MRPS31: variants seen among roughly 807,000 people sequenced by gnomAD.
MRPS31 encodes mitochondrial ribosomal protein S31.
Under a neutral mutation model 43.1 loss-of-function variants are expected in MRPS31, and 32 were observed. That is an observed-to-expected ratio of 0.74 (90% CI 0.56 to 1.00). The LOEUF (loss-of-function observed/expected upper bound fraction) is 1.00. Among genes scored for constraint, MRPS31 ranks in the 50% least tolerant of loss-of-function variants. MRPS31 has a pLI of 0.00. For missense variants in MRPS31, 437 were observed against 466.7 expected, an observed-to-expected ratio of 0.94 and a Z score of 0.59; for synonymous variants, 165 against 161.6, an observed-to-expected ratio of 1.02 and a Z score of -0.16.
rs571559496 is a variant in MRPS31, at chr13:40,769,356, C to T, written c.152+1629G>A. Among the ~76,000 whole-genome samples, 3 of 123,498 alleles carry T rather than the reference C, an allele frequency of 2.4e-5. No individual in the cohort carries two copies. In the East Asian group the frequency reaches 6.9e-4, roughly 28 times the overall value. 81.0% of individuals were successfully genotyped at this position (123,498 alleles called of 152,430 possible). On this transcript the variant is annotated intron_variant, in intron 1 of 6. Coordinates refer to ENST00000323563, the MANE Select transcript of MRPS31 (RefSeq NM_005830.4). ...ACACACTGCACTCCAGCCTAAGCGA[C>T]AGAGCAAGACTCTGTCCATATATAT...
rs1416267733 is a variant in MRPS31 at position 40,762,277 on chromosome 13, T to C, written c.441-3171A>G. On this transcript the variant is annotated intron_variant, in intron 2 of 6. Coordinates refer to ENST00000323563, the MANE Select transcript of MRPS31 (RefSeq NM_005830.4). ...CAAATTTGTGGAATTTGAAGGATAC[T>C]GCATACTCCAACCTCAAGGCCTAAG... Among the ~76,000 whole-genome samples, 6 of 152,276 alleles carry C rather than the reference T, an allele frequency of 3.9e-5. No homozygotes were observed. In the East Asian group the frequency reaches 5.8e-4, roughly 15 times the overall value.
intron 6 of MRPS31, among the ~76,000 whole-genome samples, chr13:40,740,008 C>T (rs1157860880): frequency 1.3e-5 from 2 of 148,612 alleles, no homozygotes; most frequent in Admixed American, 6.7e-5. Context: ...AGGCAACCTA[C>T]AAAATGGGAG....
intron 1 of MRPS31, 129 bp downstream of exon 1, chr13:40,770,856 C>T: frequency 7.8e-7 from 1 of 1,274,428 alleles, no homozygotes; most frequent in South Asian, 1.3e-5. Flanking sequence ...GGCAAGTCAT[C>T]TTTTCTTTCT....
At chr13:40,735,372 C>G (rs972025113) in intron 6 of MRPS31, among the ~76,000 whole-genome samples, 14 of 152,324 alleles carry the variant, frequency 9.2e-5, no homozygotes, top group African/African-American at 3.1e-4. Flanking sequence ...CCACCATTGC[C>G]CAGGCTTGCT....
chr13:40,770,565 T>C (rs1179416163), intron 1 of MRPS31, among the ~76,000 whole-genome samples: 1 of 152,176 alleles, frequency 6.6e-6, no homozygotes, highest in Non-Finnish European at 1.5e-5. Flanking sequence ...AGCACTTGAA[T>C]TGTCTACTTT....
At chr13:40,752,851 A>C (rs1880429633) in intron 5 of MRPS31, among the ~76,000 whole-genome samples, 1 of 151,936 alleles carries the variant, frequency 6.6e-6, no homozygotes, top group Admixed American at 6.6e-5. Flanking sequence ...TGATCCTGCC[A>C]CTTCAACTTC....
intron 3 of MRPS31, among the ~76,000 whole-genome samples, chr13:40,758,683 A>G (rs1173453516): frequency 6.6e-6 from 1 of 152,234 alleles, no homozygotes; most frequent in African/African-American, 2.4e-5. Context: ...ATTTTTAATA[A>G]CATTATTGAA....
At chr13:40,735,050 C>G (rs1283061120) in intron 6 of MRPS31, among the ~76,000 whole-genome samples, 4 of 152,314 alleles carry the variant, frequency 2.6e-5, no homozygotes, top group Admixed American at 2.0e-4. Context: ...GAGTGCCAGA[C>G]AGTGGGCGCA....
chr13:40,748,879 A>C (rs1191203263), intron 6 of MRPS31, among the ~76,000 whole-genome samples: 1 of 152,232 alleles, frequency 6.6e-6, no homozygotes, highest in Non-Finnish European at 1.5e-5. Context: ...TGCAGTTCTC[A>C]GTCCTTTTAC....
At chr13:40,735,944 G>A (rs1176766458) in intron 6 of MRPS31, among the ~76,000 whole-genome samples, 9 of 149,044 alleles carry the variant, frequency 6.0e-5, no homozygotes, top group South Asian at 2.2e-4. Context: ...TGACTTTGAC[G>A]AGCTGAGAGA....
intron 4 of MRPS31, among the ~76,000 whole-genome samples, chr13:40,754,810 C>T (rs1336245417): frequency 5.9e-5 from 9 of 152,188 alleles, no homozygotes; most frequent in Non-Finnish European, 8.8e-5. Flanking sequence ...AGGTAGATTA[C>T]CTGAGGTCAG....
intron 6 of MRPS31, among the ~76,000 whole-genome samples, chr13:40,745,401 T>C (rs9577136): frequency 0.46 from 70,038 of 151,728 alleles, 18,980 homozygotes; most frequent in East Asian, 0.78. Context: ...TACAGGCATG[T>C]GCCACCAAGC....
intron 6 of MRPS31, among the ~76,000 whole-genome samples, chr13:40,736,955 C>A (rs1204268593): frequency 2.0e-5 from 3 of 150,838 alleles, no homozygotes; most frequent in African/African-American, 7.3e-5. Context: ...TGTAAATGGA[C>A]TAAATGCTCC....
intron 6 of MRPS31, among the ~76,000 whole-genome samples, chr13:40,735,953 G>A (rs1408826688): frequency 2.7e-5 from 4 of 149,338 alleles, no homozygotes; most frequent in African/African-American, 7.5e-5. Flanking sequence ...CGAGCTGAGA[G>A]AAGAAGGCTT....
intron 5 of MRPS31, among the ~76,000 whole-genome samples, chr13:40,749,999 C>T (rs1880340418): frequency 6.6e-6 from 1 of 152,146 alleles, no homozygotes. Flanking sequence ...TCAACATAGT[C>T]GTTTCATCCC....
At chr13:40,768,358 C>T (rs116770271) in intron 1 of MRPS31, among the ~76,000 whole-genome samples, 1 of 139,420 alleles carries the variant, frequency 7.2e-6, no homozygotes, top group African/African-American at 2.9e-5. Context: ...AGCTTAGCCC[C>T]CACCCCCCAA....
intron 6 of MRPS31, among the ~76,000 whole-genome samples, chr13:40,748,071 A>T (rs530404943): frequency 1.3e-5 from 2 of 152,348 alleles, no homozygotes; most frequent in East Asian, 3.9e-4. Context: ...TGAAGGTTAA[A>T]ATACAGACTA....
rs1880616207 is a variant in MRPS31 at position 40,758,999 on chromosome 13, T to C, written c.548A>G (p.Gln183Arg). The C allele has an allele frequency of 1.9e-6, 3 of 1,609,488 alleles. No individual in the cohort carries two copies. The highest frequency in any genetic ancestry group is 2.7e-5 in the African/African-American group (2 of 74,868). Reference protein sequence around the residue: ...TKSELLSQLQQHEEESRAQRD... With the variant: ...TKSELLSQLQRHEEESRAQRD... ...CTGTGCCCTTGACTCTTCCTCATGC[T>C]GCTGGAGCTGGCTCAGCAGCTCTGA... is the stretch of plus-strand genomic sequence containing the variant. The change falls in exon 3 of 7, where the codon CAG (glutamine) becomes CGG (arginine). Residue 183 changes from glutamine (Q) to arginine (R), a missense_variant. Physicochemically the swap from Gln to Arg is conservative, Grantham distance 43 (BLOSUM62 1). Transcript: ENST00000323563.
intron 3 of MRPS31, among the ~76,000 whole-genome samples, chr13:40,757,750 T>C (rs1249485033): frequency 6.6e-6 from 1 of 150,984 alleles, no homozygotes; most frequent in Non-Finnish European, 1.5e-5. Context: ...GGCTTTTTTT[T>C]TTTTTTTTTA....
Sources: allele counts gnomAD v4.1 joint callset (sites outside exome capture counted in the v4.1 genomes callset), GRCh38; gene constraint gnomAD v4.1.1; transcripts MANE v1.5; gene names NCBI Gene and HGNC (gene_info 2026-07-23, HGNC 2026-07-21).